CDK8: variants seen among roughly 807,000 people sequenced by gnomAD.
The protein encoded by CDK8 is cyclin dependent kinase 8.
In CDK8, 29 loss-of-function variants were observed where a neutral mutation model predicts 71.5. The ratio of observed to expected loss-of-function variants is 0.41; its 90% confidence interval spans 0.30 to 0.55. The LOEUF is 0.55. Ranked by LOEUF, CDK8 falls within the 20% of genes least tolerant of loss-of-function variation. CDK8 has a pLI of 0.37. For synonymous variants in CDK8, 161 were observed against 192.1 expected, an observed-to-expected ratio of 0.84 and a Z score of 1.34; for missense variants, 288 against 572.6, an observed-to-expected ratio of 0.50 and a Z score of 5.07.
intron 1 of CDK8, among the ~76,000 whole-genome samples, chr13:26,275,222 G>A (rs1872517875): frequency 6.6e-6 from 1 of 152,096 alleles, no homozygotes; most frequent in Non-Finnish European, 1.5e-5. Context: ...CTGGAACCTT[G>A]ATGTTAGTCT....
At chr13:26,383,114 T>A (rs556883924) in intron 5 of CDK8, among the ~76,000 whole-genome samples, 2 of 152,346 alleles carry the variant, frequency 1.3e-5, no homozygotes, top group East Asian at 3.9e-4. Flanking sequence ...AACCTCTGCT[T>A]TCATTAAAAA....
rs965904081 is a variant in CDK8 at position 26,377,534 on chromosome 13, C to CT, written c.457-5272dup. Among the ~76,000 whole-genome samples, 38 of 151,772 alleles carry CT rather than the reference C, an allele frequency of 2.5e-4. No individual in the cohort carries two copies. The East Asian group carries it at 3.1e-3, about 12-fold the overall frequency. Reference sequence around the variant, plus strand: ...AACAGAATTGGTTAAGAATTCTATGCTTTTTTTTCAAATTTAAACAGAGGA... The same window carrying CT: ...AACAGAATTGGTTAAGAATTCTATGCTTTTTTTTTCAAATTTAAACAGAGGA... On this transcript the variant is annotated intron_variant, in intron 4 of 12. Coordinates refer to ENST00000381527, the MANE Select transcript of CDK8 (RefSeq NM_001260.3).
intron 7 of CDK8, among the ~76,000 whole-genome samples, 192 bp downstream of exon 7, chr13:26,393,702 TTA>T (rs1410676211): frequency 6.6e-6 from 1 of 152,182 alleles, no homozygotes; most frequent in Non-Finnish European, 1.5e-5. Context: ...ATGGAAATAT[TTA>T]TGGGTTTCCT....
intron 2 of CDK8, among the ~76,000 whole-genome samples, chr13:26,342,400 G>A (rs1873282552): frequency 6.6e-6 from 1 of 152,126 alleles, no homozygotes; most frequent in South Asian, 2.1e-4. Context: ...ATGCATGAGG[G>A]GTGACAACCT....
chr13:26,292,613 T>C (rs2137903882), intron 1 of CDK8, among the ~76,000 whole-genome samples: 1 of 152,154 alleles, frequency 6.6e-6, no homozygotes, highest in South Asian at 2.1e-4. Context: ...AGCAGGAAAA[T>C]GTGATATTTA....
At chr13:26,264,417 G>T (rs766627053) in intron 1 of CDK8, among the ~76,000 whole-genome samples, 68 of 152,132 alleles carry the variant, frequency 4.5e-4, no homozygotes, top group Non-Finnish European at 8.2e-4. Context: ...TCCCAAGTGG[G>T]TGGGACTAGC....
At chr13:26,342,626 G>C (rs1294300711) in intron 2 of CDK8, among the ~76,000 whole-genome samples, 1 of 152,114 alleles carries the variant, frequency 6.6e-6, no homozygotes, top group African/African-American at 2.4e-5. Context: ...TTACTTCAAG[G>C]TAATTGTCCA....
chr13:26,345,646 G>A (rs1293826145), intron 2 of CDK8, among the ~76,000 whole-genome samples: 2 of 152,158 alleles, frequency 1.3e-5, no homozygotes, highest in East Asian at 3.8e-4. Flanking sequence ...GCCTCCCAAA[G>A]TGTTGGGATT....
intron 6 of CDK8, among the ~76,000 whole-genome samples, chr13:26,390,890 C>T (rs1312941547): frequency 1.3e-5 from 2 of 151,566 alleles, no homozygotes; most frequent in African/African-American, 2.4e-5. Context: ...AAGCATCACA[C>T]ATTTTGAGAA....
At chr13:26,316,684 C>A (rs146387655) in intron 1 of CDK8, among the ~76,000 whole-genome samples, 2 of 152,102 alleles carry the variant, frequency 1.3e-5, no homozygotes, top group Non-Finnish European at 2.9e-5. Flanking sequence ...CACACAGACA[C>A]GCAATAACGA....
chr13:26,382,073 TC>T (rs1178564324), intron 4 of CDK8, among the ~76,000 whole-genome samples: 7 of 152,272 alleles, frequency 4.6e-5, no homozygotes, highest in African/African-American at 1.7e-4. Context: ...CTGCTTTCTC[TC>T]CCCTCATCCC....
intron 1 of CDK8, among the ~76,000 whole-genome samples, chr13:26,319,355 GC>G (rs1874656714): frequency 6.6e-6 from 1 of 151,950 alleles, no homozygotes; most frequent in African/African-American, 2.4e-5. Context: ...TGTAATTCCA[GC>G]TACTCAGGAG....
Position 26,370,188 on chromosome 13 carries a change from A to G in CDK8, c.457-12626A>G, listed in dbSNP as rs74525621. On this transcript the variant is annotated intron_variant, in intron 4 of 12. Transcript: ENST00000381527. ...TAGGAAGAAAGCATAACACTGACAT[A>G]GAACCTGATAAAGATAATGCCTACA... 8.2e-3 allele frequency among the ~76,000 whole-genome samples: 1,256 copies of G among 152,338 alleles called. 8 individuals are homozygous for G. The highest frequency in any genetic ancestry group is 0.014 in the African/African-American group (599 of 41,590).
At chr13:26,344,161 C>T (rs1873363878) in intron 2 of CDK8, among the ~76,000 whole-genome samples, 1 of 152,148 alleles carries the variant, frequency 6.6e-6, no homozygotes, top group African/African-American at 2.4e-5. Context: ...GTTTTCTGTT[C>T]CTGTGTTATT....
chr13:26,322,247 G>GT (rs1204910832), intron 1 of CDK8, among the ~76,000 whole-genome samples: 2 of 152,120 alleles, frequency 1.3e-5, no homozygotes, highest in Non-Finnish European at 2.9e-5. Context: ...ATTTATTAGA[G>GT]TAATTTTTTT....
At chr13:26,349,318 A>G in intron 3 of CDK8, 136 bp downstream of exon 3, 2 of 613,380 alleles carry the variant, frequency 3.3e-6, no homozygotes, top group South Asian at 4.4e-5. Context: ...GGTTGGTGGC[A>G]TGACGAAGGC....
intron 4 of CDK8, among the ~76,000 whole-genome samples, chr13:26,374,511 TA>T (rs1033405753): frequency 6.6e-6 from 1 of 152,074 alleles, no homozygotes; most frequent in Non-Finnish European, 1.5e-5. Flanking sequence ...AAAAGCTCTA[TA>T]AAAACACTCT....
chr13:26,271,687 G>A (rs1253346501), intron 1 of CDK8, among the ~76,000 whole-genome samples: 1 of 151,858 alleles, frequency 6.6e-6, no homozygotes, highest in African/African-American at 2.4e-5. Context: ...GTATTTGCCT[G>A]TAGTCCCAGC....
chr13:26,368,352 G>A (rs1375503462), intron 4 of CDK8, among the ~76,000 whole-genome samples: 1 of 152,172 alleles, frequency 6.6e-6, no homozygotes, highest in East Asian at 1.9e-4. Context: ...ATCACATCGT[G>A]TCATTCCCCT....
Sources: gnomAD v4.1 joint callset for allele counts (sites outside exome capture counted in the v4.1 genomes callset) on GRCh38, gnomAD v4.1.1 for gene constraint, MANE v1.5 for transcripts, NCBI Gene and HGNC (gene_info 2026-07-23, HGNC 2026-07-21) for gene names.